ALPK2: variants seen among roughly 807,000 people sequenced by gnomAD.
ALPK2 encodes the protein alpha kinase 2, also known as alpha-protein kinase 2.
Under a neutral mutation model 163.1 loss-of-function variants are expected in ALPK2, and 127 were observed. The observed-to-expected ratio is 0.78, with a 90% CI of 0.67 to 0.90. The LOEUF is 0.90. Among genes scored for constraint, ALPK2 ranks in the 40% least tolerant of loss-of-function variants. The probability of loss-of-function intolerance (pLI) is 0.00; values close to 1 mark genes in which losing one functional copy is unlikely to be tolerated. For missense variants in ALPK2, 2,360 were observed against 2,589.6 expected (o/e 0.91, Z 1.92); for synonymous variants, 953 against 959.1 (o/e 0.99, Z 0.12).
intron 3 of ALPK2, among the ~76,000 whole-genome samples, chr18:58,589,343 G>C (rs2052003891): frequency 6.6e-6 from 1 of 152,180 alleles, no homozygotes; most frequent in Non-Finnish European, 1.5e-5. Flanking sequence ...GAGGAGGCCG[G>C]TTCCATCAAT....
chr18:58,561,632 G>A (rs1388438012), intron 4 of ALPK2, among the ~76,000 whole-genome samples: 2 of 152,188 alleles, frequency 1.3e-5, no homozygotes, highest in Non-Finnish European at 2.9e-5. Context: ...TGGACAACAG[G>A]GGCCTGATCA....
Position 58,578,733 on chromosome 18 carries a change from GACACACAC to G in ALPK2, c.1962+73_1962+80del, listed in dbSNP as rs71173065. 133 of 533,358 alleles carry G rather than the reference GACACACAC, an allele frequency of 2.5e-4. 1 individual carries two copies. The highest frequency in any genetic ancestry group is 1.7e-3 in the African/African-American group (78 of 44,990). 33.0% of individuals were successfully genotyped at this position (533,358 alleles called of 1,614,324 possible). ...ATTGTGAATGTGAAGTAAAGGAAGA[GACACACAC>G]ACACACACACACACACACACACACA... On this transcript the variant is annotated intron_variant, in intron 4 of 12. Transcript: ENST00000361673.
At chr18:58,614,444 T>C (rs2052153338) in intron 1 of ALPK2, among the ~76,000 whole-genome samples, 1 of 152,230 alleles carries the variant, frequency 6.6e-6, no homozygotes, top group Non-Finnish European at 1.5e-5. Context: ...GGTTCATACA[T>C]GTGGTATTTC....
Position 58,534,997 on chromosome 18 carries a change from T to G in ALPK2, c.5190A>C (p.Lys1730Asn). The change falls in exon 5 of 13, where the codon AAA (lysine) becomes AAC (asparagine). Residue 1730 changes from lysine (K) to asparagine (N), a missense_variant. By Grantham distance (94) the Lys-to-Asn change is moderately conservative. Coordinates refer to ENST00000361673, the MANE Select transcript of ALPK2 (RefSeq NM_052947.4). ...TCAGTGCTGCCACCCTGGACAAAAT[T>G]TTCTTCTTTACTCCCTCAGCTAAAT... ...SGHLAEGVKK[K>N]ILSRVAALRL... 1.2e-6 allele frequency: 2 copies of G among 1,614,156 alleles called. No individual in the cohort carries two copies. Among genetic ancestry groups the G allele is most frequent in the Non-Finnish European group, 8.5e-7 (1 of 1,179,994 alleles).
chr18:58,589,293 A>G (rs938896926), intron 3 of ALPK2, among the ~76,000 whole-genome samples: 4 of 152,190 alleles, frequency 2.6e-5, no homozygotes, highest in Non-Finnish European at 4.4e-5. Flanking sequence ...TTCTGATTCA[A>G]TGCTTAATAC....
At chr18:58,583,042 G>A (rs568468914) in intron 3 of ALPK2, among the ~76,000 whole-genome samples, 4 of 152,260 alleles carry the variant, frequency 2.6e-5, no homozygotes, top group South Asian at 2.1e-4. Context: ...CTCCTGAATC[G>A]GGAAAAGACC....
intron 6 of ALPK2, among the ~76,000 whole-genome samples, chr18:58,526,252 AAG>A (rs767725299): frequency 6.6e-6 from 1 of 152,216 alleles, no homozygotes; most frequent in Non-Finnish European, 1.5e-5. Context: ...GAAGAACACA[AAG>A]AGTGAAGTTG....
At chr18:58,623,209 A>G (rs1433851756) in intron 1 of ALPK2, among the ~76,000 whole-genome samples, 3 of 152,038 alleles carry the variant, frequency 2.0e-5, no homozygotes, top group Non-Finnish European at 4.4e-5. Context: ...AACACTTTTC[A>G]TATAATGCCT....
chr18:58,537,291 G>C lies in ALPK2; in HGVS notation c.2896C>G (p.Pro966Ala). 6.2e-7 allele frequency: 1 copy of C among 1,614,196 alleles called. No individual in the cohort carries two copies. Reference sequence around the variant, plus strand: ...GTGGCTGTGGTGTCTGCGGCACTAGGACTGGGGCTCTTGTCACCTCCTTCT... The same window carrying C: ...GTGGCTGTGGTGTCTGCGGCACTAGCACTGGGGCTCTTGTCACCTCCTTCT... ...FKEGGDKSPSPSAADTTATPA... is the reference protein window; with the variant it reads ...FKEGGDKSPSASAADTTATPA... Residue 966 changes from proline to alanine, a missense_variant, in exon 5 of 13, where the codon CCT becomes GCT. Transcript: ENST00000361673.
intron 10 of ALPK2, among the ~76,000 whole-genome samples, chr18:58,507,018 G>A (rs945619564): frequency 3.3e-5 from 5 of 152,162 alleles, no homozygotes; most frequent in Admixed American, 2.0e-4. Context: ...CATTGACCAC[G>A]TAGATACCAC....
rs1320238994 is a variant in ALPK2 at position 58,537,969 on chromosome 18, C to T, written c.2218G>A (p.Glu740Lys). ...PDNFREDLKY[E>K]QSISEANDET... is the part of the protein sequence containing the mutation. ...TCATTGGCTTCTGAGATGCTCTGCT[C>T]ATATTTTAGGTCTTCCCTGAAATTG... Residue 740 changes from glutamate to lysine, a missense_variant, in exon 5 of 13, where the codon GAG becomes AAG. Physicochemically the swap from Glu to Lys is moderately conservative, Grantham distance 56. Coordinates refer to ENST00000361673, the MANE Select transcript of ALPK2 (RefSeq NM_052947.4). 1.2e-6 allele frequency: 2 copies of T among 1,614,128 alleles called. No individual in the cohort carries two copies. Among genetic ancestry groups the T allele is most frequent in the Non-Finnish European group, 1.7e-6 (2 of 1,180,048 alleles).
chr18:58,497,062 C>T lies in ALPK2; in HGVS notation c.6296+987G>A, dbSNP rs556602057. Among the ~76,000 whole-genome samples, 199 of 152,324 alleles carry T rather than the reference C, an allele frequency of 1.3e-3. 1 individual carries two copies. The highest frequency in any genetic ancestry group is 4.6e-3 in the African/African-American group (191 of 41,564). Reference sequence around the variant, plus strand: ...CCCGAATAAACCATAATATTCTTGCCTGCATTTTCCCCTCACTTCCTCTGC... The same window carrying T: ...CCCGAATAAACCATAATATTCTTGCTTGCATTTTCCCCTCACTTCCTCTGC... On this transcript the variant is annotated intron_variant, in intron 12 of 12. Coordinates refer to ENST00000361673, the MANE Select transcript of ALPK2 (RefSeq NM_052947.4).
rs1341338515 is a variant in ALPK2 at position 58,579,207 on chromosome 18, CT to C, written c.1568del (p.Lys523ArgfsTer15). The C allele has an allele frequency of 1.9e-6, 3 of 1,613,956 alleles. No individual in the cohort carries two copies. Among genetic ancestry groups the C allele is most frequent in the East Asian group, 2.2e-5 (1 of 44,888 alleles). On this transcript the variant is annotated frameshift_variant, in exon 4 of 13. Coordinates refer to ENST00000361673, the MANE Select transcript of ALPK2 (RefSeq NM_052947.4). LOFTEE classifies it high-confidence loss of function. ...ETAADKRVGG[K>X]DLWSKRGSRK... ...TTGAACCCCTCTTGCTCCATAAGTCCTTTCCCCCCACTCTCTTGTCAGCTGC... is the reference window on the plus strand; with the variant it reads ...TTGAACCCCTCTTGCTCCATAAGTCCTTCCCCCCACTCTCTTGTCAGCTGC...
chr18:58,583,334 G>A (rs765312159), intron 3 of ALPK2, among the ~76,000 whole-genome samples: 1 of 151,936 alleles, frequency 6.6e-6, no homozygotes, highest in Admixed American at 6.6e-5. Flanking sequence ...AATGAGGCGC[G>A]TCCAACACCC....
chr18:58,592,431 C>T (rs1456408704), intron 3 of ALPK2, among the ~76,000 whole-genome samples: 1 of 152,184 alleles, frequency 6.6e-6, no homozygotes, highest in East Asian at 1.9e-4. Context: ...GAACTCGAGC[C>T]CCGCAGGGAA....
intron 12 of ALPK2, among the ~76,000 whole-genome samples, chr18:58,483,726 ATTTTT>A (rs35380816): frequency 0.19 from 25,650 of 132,774 alleles, 2,517 homozygotes; most frequent in Non-Finnish European, 0.24. Context: ...AATTTTTTGT[ATTTTT>A]TTTTTTTTTT....
At chr18:58,512,827 GT>G (rs2051498659) in intron 10 of ALPK2, among the ~76,000 whole-genome samples, 1 of 105,320 alleles carries the variant, frequency 9.5e-6, no homozygotes, top group Non-Finnish European at 2.0e-5. Flanking sequence ...CATGTATGAG[GT>G]GTGTGTGTGT....
chr18:58,591,784 C>T (rs1463053575), intron 3 of ALPK2, among the ~76,000 whole-genome samples: 1 of 152,142 alleles, frequency 6.6e-6, no homozygotes, highest in Admixed American at 6.6e-5. Flanking sequence ...AGAGTAACTG[C>T]GTTGTTCACT....
chr18:58,547,813 C>T (rs1474748842), intron 4 of ALPK2, among the ~76,000 whole-genome samples: 1 of 152,168 alleles, frequency 6.6e-6, no homozygotes, highest in Admixed American at 6.5e-5. Context: ...TGTATGTAGA[C>T]CATGAGCCTG....
Sources: gnomAD v4.1 joint callset for allele counts (sites outside exome capture counted in the v4.1 genomes callset) on GRCh38, gnomAD v4.1.1 for gene constraint, MANE v1.5 for transcripts, NCBI Gene and HGNC (gene_info 2026-07-23, HGNC 2026-07-21) for gene names.